The following SLIRP variants were observed in gnomAD, a reference collection of about 807,000 sequenced individuals.
SLIRP encodes SRA stem-loop interacting RNA binding protein.
Under a neutral mutation model 13.4 loss-of-function variants are expected in SLIRP, and 12 were observed. The observed-to-expected ratio is 0.89, with a 90% CI of 0.57 to 1.45. The LOEUF (loss-of-function observed/expected upper bound fraction) is 1.45, where lower values mean the gene tolerates loss of function less well. Ranked by LOEUF, SLIRP falls within the 40% of genes most tolerant of loss-of-function variation. SLIRP has a pLI of 0.00. For synonymous variants in SLIRP, 55 were observed against 47.1 expected (o/e 1.17, Z -0.69); for missense variants, 154 against 132.2 (o/e 1.17, Z -0.81).
intron 2 of SLIRP, chr14:77,712,081 C>T (rs1453722916): frequency 1.3e-5 from 2 of 152,040 alleles, no homozygotes; most frequent in African/African-American, 4.8e-5. Context: ...TGTTGTATAA[C>T]AAAATACCAC....
chr14:77,716,691 A>G (rs920904866), intron 3 of SLIRP, among the ~76,000 whole-genome samples: 1 of 151,546 alleles, frequency 6.6e-6, no homozygotes, highest in Non-Finnish European at 1.5e-5. Context: ...GCCCAGTTTT[A>G]AAAGGTCCAG....
At chr14:77,710,503 G>C in intron 1 of SLIRP, 1 of 1,106,534 alleles carries the variant, frequency 9.0e-7, no homozygotes. Context: ...AGTATACCGG[G>C]AAACACACTG....
chr14:77,713,860 AT>A lies in SLIRP; in HGVS notation c.157-1911del, dbSNP rs1276091350. On this transcript the variant is annotated intron_variant, in intron 2 of 3. Coordinates refer to ENST00000557342, the MANE Select transcript of SLIRP (RefSeq NM_031210.6). Reference sequence around the variant, plus strand: ...TAAATAAAAAGTTCCTTGCAAAAAAATGAATAGATTTTTATTGGTCCATAAA... The same window carrying A: ...TAAATAAAAAGTTCCTTGCAAAAAAAGAATAGATTTTTATTGGTCCATAAA... Among the ~76,000 whole-genome samples, 4 of 152,246 alleles carry A rather than the reference AT, an allele frequency of 2.6e-5. No homozygotes were observed. In the South Asian group the frequency reaches 6.2e-4, roughly 24 times the overall value.
chr14:77,712,655 A>G lies in SLIRP; in HGVS notation c.156+1759A>G, dbSNP rs921717928. On this transcript the variant is annotated intron_variant, in intron 2 of 3. Coordinates refer to ENST00000557342, the MANE Select transcript of SLIRP (RefSeq NM_031210.6). ...GAGATGGAGTTTCGCTATGTTGGCC[A>G]GGCTGGTCTCGAACTCCTGACCTCA... Among the ~76,000 whole-genome samples the G allele has an allele frequency of 3.9e-5, 6 of 152,268 alleles. No individual in the cohort carries two copies. The South Asian group carries it at 8.3e-4, about 21-fold the overall frequency.
intron 2 of SLIRP, among the ~76,000 whole-genome samples, chr14:77,711,236 T>C (rs1002732174): frequency 1.4e-5 from 2 of 147,944 alleles, no homozygotes; most frequent in African/African-American, 2.5e-5. Flanking sequence ...TATATACACC[T>C]AATAATATAT....
intron 2 of SLIRP, among the ~76,000 whole-genome samples, chr14:77,712,250 C>T (rs944792955): frequency 6.6e-6 from 1 of 150,548 alleles, no homozygotes; most frequent in African/African-American, 2.4e-5. Flanking sequence ...GACTTGCAAG[C>T]TCCCTCATGT....
Position 77,710,892 on chromosome 14 carries a change from CT to C in SLIRP, c.156del (p.Phe52LeufsTer33), listed in dbSNP as rs770347656. ...QFGHVRRCIL[P>X]FDKETGFHRG... is the part of the protein sequence containing the mutation. ...GGCCATGTCAGAAGGTGCATTTTAC[CT>C]TTTGTAAGTATTAAGGAAAAGTAGG... On this transcript the variant is annotated frameshift_variant, in exon 2 of 4. Coordinates refer to ENST00000557342, the MANE Select transcript of SLIRP (RefSeq NM_031210.6). LOFTEE classifies it high-confidence loss of function. 6.2e-7 allele frequency: 1 copy of C among 1,613,960 alleles called. No individual in the cohort carries two copies. The highest frequency in any genetic ancestry group is 1.1e-5 in the South Asian group (1 of 91,076).
chr14:77,714,109 G>C (rs1459945175), intron 2 of SLIRP, among the ~76,000 whole-genome samples: 2 of 151,984 alleles, frequency 1.3e-5, no homozygotes, highest in Admixed American at 1.3e-4. Flanking sequence ...CTGGGTTCAA[G>C]GGATCCTTCT....
rs763654303 is a variant in SLIRP, at chr14:77,717,526, C to G, written c.295C>G (p.Pro99Ala). The G allele has an allele frequency of 1.9e-6, 3 of 1,613,948 alleles. No homozygotes were observed. The highest frequency in any genetic ancestry group is 2.7e-5 in the African/African-American group (2 of 74,914). The change falls in exon 4 of 4, where the codon CCG (proline) becomes GCG (alanine). Residue 99 changes from proline (P) to alanine (A), a missense_variant. Coordinates refer to ENST00000557342, the MANE Select transcript of SLIRP (RefSeq NM_031210.6). Reference sequence around the variant, plus strand: ...GGTTCACACTAGAAGGCCAAAACTTCCGCAAACATCTGATGATGAAAAGAA... The same window carrying G: ...GGTTCACACTAGAAGGCCAAAACTTGCGCAAACATCTGATGATGAAAAGAA... ...VQVHTRRPKLPQTSDDEKKDF is the reference protein window; with the variant it reads ...VQVHTRRPKLAQTSDDEKKDF
intron 1 of SLIRP, among the ~76,000 whole-genome samples, chr14:77,709,113 A>G (rs150184761): frequency 8.1e-4 from 124 of 152,376 alleles, no homozygotes; most frequent in African/African-American, 2.8e-3. Flanking sequence ...CACGGTAACT[A>G]AAATTGAAAC....
chr14:77,717,008 G>A (rs2080489913), intron 3 of SLIRP, among the ~76,000 whole-genome samples: 1 of 151,874 alleles, frequency 6.6e-6, no homozygotes, highest in Admixed American at 6.6e-5. Flanking sequence ...CAGGCAATCC[G>A]CCCACCTCGG....
At chr14:77,715,513 T>C (rs1595067047) in intron 2 of SLIRP, among the ~76,000 whole-genome samples, 1 of 152,032 alleles carries the variant, frequency 6.6e-6, no homozygotes. Context: ...GACATGGTGG[T>C]ATGTACCTGT....
At chr14:77,709,893 T>G (rs1183279932) in intron 1 of SLIRP, among the ~76,000 whole-genome samples, 1 of 152,216 alleles carries the variant, frequency 6.6e-6, no homozygotes, top group Non-Finnish European at 1.5e-5. Flanking sequence ...GGACTTTTAC[T>G]TATTCATTTA....
Position 77,708,132 on chromosome 14 carries a change from A to T in SLIRP, c.21A>T (p.Arg7Ser), listed in dbSNP as rs764791979. 9.9e-6 allele frequency: 16 copies of T among 1,614,098 alleles called. 1 individual carries two copies. The highest frequency in any genetic ancestry group is 6.6e-5 in the South Asian group (6 of 91,074). The stretch of plus-strand genomic sequence containing the variant: ...TGAAGATGGCGGCCTCAGCAGCGAG[A>T]GGTGCTGCGGCGCTGCGTAGAAGTA... MAASAA[R>S]GAAALRRSIN... is the part of the protein sequence containing the mutation. Residue 7 changes from arginine to serine, a missense_variant, in exon 1 of 4, where the codon AGA becomes AGT. Transcript: ENST00000557342.
intron 1 of SLIRP, 21 bp from the exon 2 acceptor site, chr14:77,710,817 A>C (rs767411532): frequency 1.2e-6 from 2 of 1,613,984 alleles, no homozygotes; most frequent in Admixed American, 3.3e-5. Flanking sequence ...ACTACTTTTA[A>C]TGTTTTCTTC....
intron 2 of SLIRP, 104 bp downstream of exon 2, chr14:77,711,000 C>A: frequency 1.1e-6 from 1 of 936,282 alleles, no homozygotes; most frequent in South Asian, 1.4e-5. Context: ...TGACTATGGT[C>A]AATAATAATT....
At chr14:77,711,313 A>G (rs2080438933) in intron 2 of SLIRP, among the ~76,000 whole-genome samples, 1 of 151,362 alleles carries the variant, frequency 6.6e-6, no homozygotes, top group Non-Finnish European at 1.5e-5. Flanking sequence ...AATTGTTGAA[A>G]AAAAAGCTTA....
At chr14:77,714,139 C>T (rs895895610) in intron 2 of SLIRP, among the ~76,000 whole-genome samples, 3 of 151,906 alleles carry the variant, frequency 2.0e-5, no homozygotes, top group African/African-American at 4.8e-5. Context: ...TCCTGAGTAG[C>T]TGGGATTAGT....
chr14:77,709,190 C>A (rs951591487), intron 1 of SLIRP, among the ~76,000 whole-genome samples: 4 of 152,216 alleles, frequency 2.6e-5, no homozygotes, highest in African/African-American at 9.7e-5. Context: ...TCACCACCTT[C>A]AATTTTTGTC....
Sources: allele counts gnomAD v4.1 joint callset (sites outside exome capture counted in the v4.1 genomes callset), GRCh38; gene constraint gnomAD v4.1.1; transcripts MANE v1.5; gene names NCBI Gene and HGNC (gene_info 2026-07-23, HGNC 2026-07-21).